The following IFT140 variants were observed in gnomAD, a reference collection of about 807,000 sequenced individuals.
IFT140 encodes the protein intraflagellar transport 140.
A neutral mutation model predicts 164.6 loss-of-function variants in IFT140; 133 were observed. The observed-to-expected ratio is 0.81, with a 90% CI of 0.70 to 0.93. The LOEUF (loss-of-function observed/expected upper bound fraction) is 0.93. Ranked by LOEUF, IFT140 falls within the 40% of genes least tolerant of loss-of-function variation. The pLI, the probability that IFT140 is intolerant of heterozygous loss-of-function variation, is 0.00. For synonymous variants in IFT140, 860 were observed against 817.3 expected (o/e 1.05, Z -0.89); for missense variants, 2,045 against 1,972.3 (o/e 1.04, Z -0.70).
chr16:1,519,299 C>T (rs2040450636), intron 29 of IFT140, among the ~76,000 whole-genome samples: 4 of 152,182 alleles, frequency 2.6e-5, no homozygotes, highest in Admixed American at 6.5e-5. Context: ...GGCCCTGAAG[C>T]GCACAGGCGA....
rs1309848796 is a variant in IFT140, at chr16:1,612,056, T to A, written c.-310A>T. The A allele has an allele frequency of 2.0e-5, 3 of 152,256 alleles. No homozygotes were observed. Among genetic ancestry groups the A allele is most frequent in the Admixed American group, 2.0e-4 (3 of 15,284 alleles). The allele number at this position is 152,256 out of a possible 1,614,324, so 9.4% of individuals were successfully genotyped here. The stretch of plus-strand genomic sequence containing the variant: ...TACCACGCCGTTTTCTTCTCACGTA[T>A]CCGTCAACACTGCTGCGGCCAATCA... On this transcript the variant is annotated 5_prime_UTR_variant, in exon 1 of 31. Transcript: ENST00000426508.
In IFT140 at chr16:1,560,783, A is replaced by G. The variant is rs555827978; in HGVS notation, c.2199+1202T>C. ...TAGAAAAGTACAGAGTTCATTCTTA[A>G]CATCGATAAGCCACTGCATGTGGAA... On this transcript the variant is annotated intron_variant, in intron 18 of 30. Coordinates refer to ENST00000426508, the MANE Select transcript of IFT140 (RefSeq NM_014714.4). Among the ~76,000 whole-genome samples, 207 of 152,320 alleles carry G rather than the reference A, an allele frequency of 1.4e-3. 2 individuals carry two copies. The highest frequency in any genetic ancestry group is 4.9e-3 in the African/African-American group (203 of 41,580).
chr16:1,607,050 G>A, intron 3 of IFT140, 70 bp downstream of exon 3: 7 of 1,502,234 alleles, frequency 4.7e-6, no homozygotes, highest in Non-Finnish European at 6.4e-6. Flanking sequence ...ACACACACAA[G>A]GACAACAGCA....
chr16:1,534,206 T>A, intron 19 of IFT140: 4 of 1,579,042 alleles, frequency 2.5e-6, no homozygotes, highest in Non-Finnish European at 3.4e-6. Context: ...CAGCGTCGGC[T>A]CTCCCTGGAC....
At chr16:1,593,831 C>A (rs929737866) in intron 4 of IFT140, among the ~76,000 whole-genome samples, 4 of 152,124 alleles carry the variant, frequency 2.6e-5, no homozygotes, top group African/African-American at 9.7e-5. Context: ...TGAAGCAGCT[C>A]TTCCCCGGAT....
At chr16:1,566,084 G>A in intron 16 of IFT140, 77 bp downstream of exon 16, 2 of 1,495,946 alleles carry the variant, frequency 1.3e-6, no homozygotes, top group Non-Finnish European at 1.8e-6. Flanking sequence ...CGTTAACTTA[G>A]CAACAACCCG....
Position 1,520,351 on chromosome 16 carries a change from G to A in IFT140, c.3661-8C>T. Reference sequence around the variant, plus strand: ...GAGCAGCGCCCTCATGGCCTAGGCAGAGAGACAGCGGGGCTCAGGCAAGCA... The same window carrying A: ...GAGCAGCGCCCTCATGGCCTAGGCAAAGAGACAGCGGGGCTCAGGCAAGCA... On this transcript the variant is annotated splice_region_variant and splice_polypyrimidine_tract_variant and intron_variant, in intron 27 of 30. Transcript: ENST00000426508. 1.2e-6 allele frequency: 2 copies of A among 1,613,610 alleles called. No individual in the cohort carries two copies. The highest frequency in any genetic ancestry group is 1.7e-6 in the Non-Finnish European group (2 of 1,179,944).
chr16:1,566,743 C>T (rs1350597237), intron 15 of IFT140, among the ~76,000 whole-genome samples: 2 of 152,166 alleles, frequency 1.3e-5, no homozygotes, highest in South Asian at 2.1e-4. Flanking sequence ...ATGGCACCTC[C>T]GGGACCCTGT....
chr16:1,545,501 AT>A (rs1567353194), intron 19 of IFT140, among the ~76,000 whole-genome samples: 1 of 152,030 alleles, frequency 6.6e-6, no homozygotes, highest in Non-Finnish European at 1.5e-5. Flanking sequence ...CATGTTGCTA[AT>A]TTTAGAGTCG....
At chr16:1,595,975 G>A (rs968375718) in intron 4 of IFT140, among the ~76,000 whole-genome samples, 4 of 151,364 alleles carry the variant, frequency 2.6e-5, no homozygotes, top group Non-Finnish European at 5.9e-5. Context: ...AGAATTGCTT[G>A]AACCCAGGAG....
chr16:1,569,952 C>T (rs1260204468), intron 14 of IFT140, among the ~76,000 whole-genome samples: 2 of 152,028 alleles, frequency 1.3e-5, no homozygotes, highest in African/African-American at 2.4e-5. Context: ...ATCTGGCCTG[C>T]TTTATTTATT....
intron 10 of IFT140, among the ~76,000 whole-genome samples, chr16:1,584,621 G>A (rs2034771843): frequency 6.6e-6 from 1 of 152,150 alleles, no homozygotes; most frequent in South Asian, 2.1e-4. Context: ...AAGACTTCAA[G>A]ATACTGATGC....
At chr16:1,518,181 C>CGG in intron 30 of IFT140, 35 bp downstream of exon 30, 3 of 1,575,390 alleles carry the variant, frequency 1.9e-6, no homozygotes, top group Non-Finnish European at 2.6e-6. Context: ...CCTTGTGTGG[C>CGG]GGGATGCTGC....
At chr16:1,570,834 C>T (rs1224705898) in intron 14 of IFT140, among the ~76,000 whole-genome samples, 2 of 152,190 alleles carry the variant, frequency 1.3e-5, no homozygotes, top group Non-Finnish European at 2.9e-5. Flanking sequence ...CAGCTCACCG[C>T]AACCTCGATC....
chr16:1,558,417 G>A (rs577727358), intron 18 of IFT140, among the ~76,000 whole-genome samples: 1 of 152,342 alleles, frequency 6.6e-6, no homozygotes, highest in South Asian at 2.1e-4. Flanking sequence ...ACAGGAGCAT[G>A]ATTTCAGGTA....
In IFT140 at chr16:1,589,836, G is replaced by A. The variant is rs1296809902; in HGVS notation, c.635-56C>T. 6.2e-6 allele frequency: 9 copies of A among 1,455,432 alleles called. No individual in the cohort carries two copies. In the African/African-American group the frequency reaches 9.8e-5, roughly 16 times the overall value. 90.2% of individuals were successfully genotyped at this position (1,455,432 alleles called of 1,614,324 possible). A position where few individuals can be genotyped will look rare whatever the true frequency, so the allele number is the denominator to read the frequency against. The stretch of plus-strand genomic sequence containing the variant: ...GAGGCCCTGGTTTATCTGCTTCCAT[G>A]ACCCTCACCAGCAGCCATTTCTATC... On this transcript the variant is annotated intron_variant, in intron 6 of 30. Transcript: ENST00000426508.
chr16:1,532,883 C>A (rs951709324), intron 19 of IFT140: 3 of 152,324 alleles, frequency 2.0e-5, no homozygotes, highest in Non-Finnish European at 4.4e-5. Flanking sequence ...CACAAGGTGA[C>A]CTGCCTAGTC....
intron 19 of IFT140, among the ~76,000 whole-genome samples, chr16:1,545,177 C>T (rs948078025): frequency 6.6e-6 from 1 of 152,200 alleles, no homozygotes; most frequent in Non-Finnish European, 1.5e-5. Context: ...TGGAGGCCTT[C>T]GGAGGCCTGT....
At chr16:1,523,460 G>T in intron 26 of IFT140, 58 bp downstream of exon 26, 1 of 1,554,134 alleles carries the variant, frequency 6.4e-7, no homozygotes, top group Non-Finnish European at 8.7e-7. Flanking sequence ...TCTGGGGACA[G>T]GAGACCTGAG....
Sources: gnomAD v4.1 joint callset for allele counts (sites outside exome capture counted in the v4.1 genomes callset) on GRCh38, gnomAD v4.1.1 for gene constraint, MANE v1.5 for transcripts, NCBI Gene and HGNC (gene_info 2026-07-23, HGNC 2026-07-21) for gene names.